Variants in CD84 observed in about 807,000 individuals in gnomAD.
CD84 encodes the protein CD84 molecule.
A neutral mutation model predicts 33.8 loss-of-function variants in CD84; 22 were observed. That is an observed-to-expected ratio of 0.65 (90% CI 0.46 to 0.93). The LOEUF (loss-of-function observed/expected upper bound fraction) is 0.93. CD84 is among the 40% of genes least tolerant of loss of function. CD84 has a pLI of 0.00. For missense variants in CD84, 400 were observed against 397.6 expected (o/e 1.01, Z -0.05); for synonymous variants, 154 against 145.2 (o/e 1.06, Z -0.44).
At chr1:160,576,440 C>A (rs1409440789) in intron 1 of CD84, among the ~76,000 whole-genome samples, 1 of 152,178 alleles carries the variant, frequency 6.6e-6, no homozygotes, top group Non-Finnish European at 1.5e-5. Context: ...CCTCACTGCC[C>A]TGCCTAAACT....
rs930262708 is a variant in CD84, at chr1:160,542,518, A to G, written c.*5738T>C. 6.6e-6 allele frequency: 1 copy of G among 152,204 alleles called. No homozygotes were observed. Among genetic ancestry groups the G allele is most frequent in the Non-Finnish European group, 1.5e-5 (1 of 68,032 alleles). 9.4% of individuals were successfully genotyped at this position (152,204 alleles called of 1,614,324 possible). On this transcript the variant is annotated 3_prime_UTR_variant, in exon 7 of 7. Coordinates refer to ENST00000368054, the MANE Select transcript of CD84 (RefSeq NM_003874.4). Reference sequence around the variant, plus strand: ...ACAAGTTGTAAATGAAAGAGTTGAGATTATGAGCATTTAAAAATTCTCTGA... The same window carrying G: ...ACAAGTTGTAAATGAAAGAGTTGAGGTTATGAGCATTTAAAAATTCTCTGA...
At chr1:160,569,787 C>T (rs577400833) in intron 1 of CD84, among the ~76,000 whole-genome samples, 1 of 152,176 alleles carries the variant, frequency 6.6e-6, no homozygotes, top group Non-Finnish European at 1.5e-5. Context: ...GGATCCTGAA[C>T]AAAAGTTTAG....
In CD84 at chr1:160,542,100, G is replaced by A. The variant is rs1356851045; in HGVS notation, c.*6156C>T. On this transcript the variant is annotated 3_prime_UTR_variant, in exon 7 of 7. Transcript: ENST00000368054. ...CTGATTGGTGAAGCAGTGAAGAATA[G>A]CAGTTCTGCACCCAGCCCCTGGAGT... 32 of 152,222 alleles carry A rather than the reference G, an allele frequency of 2.1e-4. No homozygotes were observed. The highest frequency in any genetic ancestry group is 2.1e-3 in the Admixed American group (32 of 15,272). 9.4% of individuals were successfully genotyped at this position (152,222 alleles called of 1,614,324 possible). A position where few individuals can be genotyped will look rare whatever the true frequency, so the allele number is the denominator to read the frequency against.
intron 1 of CD84, among the ~76,000 whole-genome samples, chr1:160,568,379 G>A (rs570443754): frequency 1.3e-5 from 2 of 152,254 alleles, no homozygotes; most frequent in African/African-American, 4.8e-5. Context: ...GCTGGGGGAA[G>A]CTGTTATTTG....
chr1:160,576,817 A>G (rs2887545), intron 1 of CD84, among the ~76,000 whole-genome samples: 121,101 of 152,114 alleles, frequency 0.8, 49,453 homozygotes, highest in Non-Finnish European at 0.91. Flanking sequence ...ATAACTGTAG[A>G]CTACTTAGAG....
intron 4 of CD84, chr1:160,551,299 C>T (rs1385452323): frequency 2.4e-6 from 1 of 414,070 alleles, no homozygotes; most frequent in Non-Finnish European, 4.4e-6. Context: ...CCCTGTGTGG[C>T]CAGTCAAATG....
At chr1:160,564,713 A>G (rs1657210970) in intron 2 of CD84, among the ~76,000 whole-genome samples, 1 of 152,226 alleles carries the variant, frequency 6.6e-6, no homozygotes, top group Non-Finnish European at 1.5e-5. Context: ...GAAATGACAT[A>G]GTTGTAGATG....
intron 1 of CD84, among the ~76,000 whole-genome samples, chr1:160,575,100 C>T (rs984099636): frequency 6.6e-6 from 1 of 152,148 alleles, no homozygotes; most frequent in Non-Finnish European, 1.5e-5. Flanking sequence ...ATCCTCCAGA[C>T]AAACATTTCT....
At chr1:160,574,177 A>G (rs1461158255) in intron 1 of CD84, among the ~76,000 whole-genome samples, 1 of 152,072 alleles carries the variant, frequency 6.6e-6, no homozygotes, top group African/African-American at 2.4e-5. Flanking sequence ...CAACAATAGA[A>G]AAACAAGGCA....
chr1:160,565,232 C>G (rs1476855245), intron 2 of CD84, among the ~76,000 whole-genome samples, 172 bp downstream of exon 2: 1 of 152,042 alleles, frequency 6.6e-6, no homozygotes, highest in East Asian at 1.9e-4. Context: ...CAGGCAAAGT[C>G]AGGACTGAAA....
At chr1:160,565,102 A>G (rs530290376) in intron 2 of CD84, among the ~76,000 whole-genome samples, 1 of 152,276 alleles carries the variant, frequency 6.6e-6, no homozygotes, top group Non-Finnish European at 1.5e-5. Flanking sequence ...TGCATACACT[A>G]TCTCATTTGA....
In CD84 at chr1:160,548,070, T is replaced by C; in HGVS notation, c.*186A>G. 1.6e-6 allele frequency: 1 copy of C among 622,456 alleles called. No individual in the cohort carries two copies. The highest frequency in any genetic ancestry group is 2.9e-6 in the Non-Finnish European group (1 of 348,678). The allele number at this position is 622,456 out of a possible 1,614,324, so 38.6% of individuals were successfully genotyped here. Reference sequence around the variant, plus strand: ...GAAGGGAGTCATTTCAGGAAGGGTATGCATCCATTTGTCCATTTAGGCACA... The same window carrying C: ...GAAGGGAGTCATTTCAGGAAGGGTACGCATCCATTTGTCCATTTAGGCACA... On this transcript the variant is annotated 3_prime_UTR_variant, in exon 7 of 7. Transcript: ENST00000368054.
chr1:160,549,572 C>T (rs1008350991), intron 6 of CD84, among the ~76,000 whole-genome samples: 2 of 152,152 alleles, frequency 1.3e-5, no homozygotes, highest in African/African-American at 4.8e-5. Context: ...TGTGTTTGCT[C>T]AGAGGGAAGC....
At position 160,543,708 on chromosome 1, in the gene CD84, C is replaced by T. The variant is rs1485844728; in HGVS notation, c.*4548G>A. 4 of 151,224 alleles carry T rather than the reference C, an allele frequency of 2.6e-5. No homozygotes were observed. The highest frequency in any genetic ancestry group is 4.4e-5 in the Non-Finnish European group (3 of 67,850). The allele number at this position is 151,224 out of a possible 1,614,324, so 9.4% of individuals were successfully genotyped here. On this transcript the variant is annotated 3_prime_UTR_variant, in exon 7 of 7. Transcript: ENST00000368054. ...AGGTAAGTAGACTGTGGTATAATAA[C>T]GAGGGGAACAAACATTGCTTATAAC...
In CD84 at chr1:160,546,972, A is replaced by T. The variant is rs1655866981; in HGVS notation, c.*1284T>A. 2.5e-6 allele frequency: 1 copy of T among 395,802 alleles called. No homozygotes were observed. Among genetic ancestry groups the T allele is most frequent in the Non-Finnish European group, 4.4e-6 (1 of 224,846 alleles). The allele number at this position is 395,802 out of a possible 1,614,324, so 24.5% of individuals were successfully genotyped here. Reference sequence around the variant, plus strand: ...ATTGCAGCCCATTGCTGTCCAGCCTAGGACTATTCATTGGGATTTAGGAGT... The same window carrying T: ...ATTGCAGCCCATTGCTGTCCAGCCTTGGACTATTCATTGGGATTTAGGAGT... On this transcript the variant is annotated 3_prime_UTR_variant, in exon 7 of 7. Coordinates refer to ENST00000368054, the MANE Select transcript of CD84 (RefSeq NM_003874.4).
chr1:160,552,691 G>A, intron 4 of CD84: 1 of 1,538,340 alleles, frequency 6.5e-7, no homozygotes, highest in African/African-American at 1.4e-5. Context: ...GGAACTTTGT[G>A]GCTGAGAACT....
At chr1:160,557,226 A>C (rs1489554451) in intron 2 of CD84, among the ~76,000 whole-genome samples, 1 of 152,378 alleles carries the variant, frequency 6.6e-6, no homozygotes, top group East Asian at 1.9e-4. Context: ...AAGTATGCCT[A>C]ATCCCAACAT....
In CD84 at chr1:160,546,983, T is replaced by C. The variant is rs139066525; in HGVS notation, c.*1273A>G. 140 of 395,694 alleles carry C rather than the reference T, an allele frequency of 3.5e-4. No homozygotes were observed. The highest frequency in any genetic ancestry group is 5.7e-4 in the Non-Finnish European group (127 of 224,616). The allele number at this position is 395,694 out of a possible 1,614,324, so 24.5% of individuals were successfully genotyped here. A position where few individuals can be genotyped will look rare whatever the true frequency, so the allele number is the denominator to read the frequency against. ...TTGCTGTCCAGCCTAGGACTATTCATTGGGATTTAGGAGTTAGCCGATTAT... is the reference window on the plus strand; with the variant it reads ...TTGCTGTCCAGCCTAGGACTATTCACTGGGATTTAGGAGTTAGCCGATTAT... On this transcript the variant is annotated 3_prime_UTR_variant, in exon 7 of 7. Coordinates refer to ENST00000368054, the MANE Select transcript of CD84 (RefSeq NM_003874.4).
chr1:160,577,383 T>C (rs1008879091), intron 1 of CD84, among the ~76,000 whole-genome samples: 6 of 152,224 alleles, frequency 3.9e-5, no homozygotes, highest in Admixed American at 6.6e-5. Context: ...AGAAAAGGTT[T>C]GCAGAATAAT....
Sources: gnomAD v4.1 joint callset for allele counts (sites outside exome capture counted in the v4.1 genomes callset) on GRCh38, gnomAD v4.1.1 for gene constraint, MANE v1.5 for transcripts, NCBI Gene and HGNC (gene_info 2026-07-23, HGNC 2026-07-21) for gene names.